Variants in ZNF385D observed in about 807,000 individuals in gnomAD.
ZNF385D encodes the protein zinc finger protein 659.
A neutral mutation model predicts 35.8 loss-of-function variants in ZNF385D; 15 were observed. That is an observed-to-expected ratio of 0.42 (90% CI 0.28 to 0.64). The LOEUF (loss-of-function observed/expected upper bound fraction) is 0.64. ZNF385D is among the 30% of genes least tolerant of loss of function. ZNF385D has a pLI of 0.23. For synonymous variants in ZNF385D, 212 were observed against 186.8 expected, an observed-to-expected ratio of 1.13 and a Z score of -1.10; for missense variants, 474 against 494.6, an observed-to-expected ratio of 0.96 and a Z score of 0.39.
intron 3 of ZNF385D, among the ~76,000 whole-genome samples, chr3:21,556,068 G>GTTTT (rs148079775): frequency 4.0e-5 from 4 of 99,014 alleles, no homozygotes; most frequent in Non-Finnish European, 7.8e-5. Flanking sequence ...TTTTGTTTTT[G>GTTTT]TTTTTTTTTT....
At chr3:21,916,667 C>A (rs2125919731) in intron 3 of ZNF385D, among the ~76,000 whole-genome samples, 1 of 152,284 alleles carries the variant, frequency 6.6e-6, no homozygotes, top group East Asian at 1.9e-4. Flanking sequence ...AGTAAACATT[C>A]TCTACAAAAG....
chr3:21,481,129 C>T (rs918945365), intron 4 of ZNF385D, among the ~76,000 whole-genome samples: 3 of 152,128 alleles, frequency 2.0e-5, no homozygotes, highest in African/African-American at 4.8e-5. Flanking sequence ...CTACAAGCAA[C>T]ATGATTAAGA....
chr3:21,687,785 G>A (rs762550334), intron 1 of ZNF385D, among the ~76,000 whole-genome samples: 9 of 152,220 alleles, frequency 5.9e-5, no homozygotes, highest in South Asian at 4.1e-4. Context: ...AGAAAAAACC[G>A]ATGATTCACC....
intron 3 of ZNF385D, among the ~76,000 whole-genome samples, chr3:22,059,485 T>C (rs1334897343): frequency 2.6e-5 from 4 of 152,182 alleles, no homozygotes; most frequent in South Asian, 2.1e-4. Flanking sequence ...CAAAATAAGA[T>C]AAGCGATGAG....
At chr3:21,828,231 C>T (rs1044708865) in intron 3 of ZNF385D, among the ~76,000 whole-genome samples, 18 of 152,146 alleles carry the variant, frequency 1.2e-4, no homozygotes, top group Middle Eastern at 3.4e-3. Flanking sequence ...TATGTTTATC[C>T]GTGTTGAGAA....
At position 22,156,469 on chromosome 3, in the gene ZNF385D, T is replaced by G. The variant is rs532715494; in HGVS notation, c.325+12348A>C. The stretch of plus-strand genomic sequence containing the variant: ...TTGATTCACAACCACCAGAGCTAGG[T>G]TTAGAGAGAGAGAGAACGCTACTTG... On this transcript the variant is annotated intron_variant, in intron 3 of 5. Coordinates refer to the ZNF385D transcript ENST00000494108. 4.6e-5 allele frequency among the ~76,000 whole-genome samples: 7 copies of G among 152,082 alleles called. No homozygotes were observed. The East Asian group carries it at 1.4e-3, about 30-fold the overall frequency.
At chr3:21,944,329 A>G (rs1024840897) in intron 3 of ZNF385D, among the ~76,000 whole-genome samples, 1 of 152,232 alleles carries the variant, frequency 6.6e-6, no homozygotes, top group Non-Finnish European at 1.5e-5. Flanking sequence ...TTAGGATCAC[A>G]CTGAGAACTG....
At position 22,173,047 on chromosome 3, in the gene ZNF385D, T is replaced by A. The variant is rs887201320; in HGVS notation, c.107-4012A>T. Among the ~76,000 whole-genome samples the A allele has an allele frequency of 3.9e-5, 6 of 152,350 alleles. No homozygotes were observed. In the South Asian group the frequency reaches 1.2e-3, roughly 32 times the overall value. On this transcript the variant is annotated intron_variant, in intron 2 of 5. Coordinates refer to the ZNF385D transcript ENST00000494108. ...ACATTGATAGCAAGAATCCTTAATA[T>A]GACGTGCTAACAATGGTATTTCACC...
At chr3:22,203,454 C>T (rs567475979) in intron 2 of ZNF385D, among the ~76,000 whole-genome samples, 6 of 152,240 alleles carry the variant, frequency 3.9e-5, no homozygotes, top group African/African-American at 1.4e-4. Flanking sequence ...GGAGAGATCC[C>T]TTCTTCTTGA....
At chr3:21,790,897 G>C (rs965141577) in intron 3 of ZNF385D, among the ~76,000 whole-genome samples, 3 of 152,006 alleles carry the variant, frequency 2.0e-5, no homozygotes, top group African/African-American at 4.8e-5. Context: ...TTGTCCTTTA[G>C]GACTATTTAT....
chr3:21,955,661 A>G (rs754271180), intron 3 of ZNF385D, among the ~76,000 whole-genome samples: 7 of 152,270 alleles, frequency 4.6e-5, no homozygotes, highest in Middle Eastern at 6.8e-3. Flanking sequence ...ACCCTGCTGC[A>G]TAGATTCAGC....
intron 2 of ZNF385D, among the ~76,000 whole-genome samples, chr3:21,612,874 A>C (rs777905089): frequency 1.3e-5 from 2 of 152,206 alleles, no homozygotes; most frequent in Non-Finnish European, 2.9e-5. Context: ...ATTAAAATAA[A>C]ACACCTTAAA....
chr3:21,655,344 A>G (rs1313201078), intron 2 of ZNF385D, among the ~76,000 whole-genome samples: 3 of 152,120 alleles, frequency 2.0e-5, no homozygotes, highest in African/African-American at 7.2e-5. Flanking sequence ...TTTAGATTCA[A>G]AGTTTAGTGT....
intron 3 of ZNF385D, among the ~76,000 whole-genome samples, chr3:21,984,282 G>T (rs1434296839): frequency 1.4e-5 from 2 of 146,026 alleles, no homozygotes; most frequent in East Asian, 3.9e-4. Context: ...TTTCTTCTAG[G>T]GTTTTTATGG....
intron 2 of ZNF385D, among the ~76,000 whole-genome samples, chr3:21,581,993 A>T (rs879433458): frequency 6.6e-6 from 1 of 152,150 alleles, no homozygotes; most frequent in African/African-American, 2.4e-5. Flanking sequence ...CAAAATACCA[A>T]TGTTCTGTCT....
intron 2 of ZNF385D, among the ~76,000 whole-genome samples, chr3:22,240,580 G>T (rs1229387493): frequency 6.6e-6 from 1 of 150,982 alleles, no homozygotes; most frequent in Non-Finnish European, 1.5e-5. Context: ...TTCATGGACT[G>T]CACAATGTGA....
chr3:22,002,947 GACTA>G (rs774449035), intron 3 of ZNF385D, among the ~76,000 whole-genome samples: 62 of 152,140 alleles, frequency 4.1e-4, no homozygotes, highest in Non-Finnish European at 6.9e-4. Flanking sequence ...GGTCATATAT[GACTA>G]ACTAACAGCT....
In ZNF385D at chr3:21,951,470, T is replaced by A. The variant is rs542175865; in HGVS notation, c.325+217347A>T. Among the ~76,000 whole-genome samples the A allele has an allele frequency of 2.9e-4, 44 of 151,834 alleles. No individual in the cohort carries two copies. The East Asian group carries it at 7.3e-3, about 25-fold the overall frequency. On this transcript the variant is annotated intron_variant, in intron 3 of 5. Transcript: ENST00000494108. ...GGCTGAGACGATCGGGTATTCTAAA[T>A]AAATATACAATCATGTCATCTGCAA... is the stretch of plus-strand genomic sequence containing the variant.
At chr3:21,924,637 G>C (rs1392401525) in intron 3 of ZNF385D, among the ~76,000 whole-genome samples, 1 of 152,172 alleles carries the variant, frequency 6.6e-6, no homozygotes, top group Non-Finnish European at 1.5e-5. Context: ...TAGTGTCAGA[G>C]AAAGCCAAAT....
Sources: gnomAD v4.1 joint callset for allele counts (sites outside exome capture counted in the v4.1 genomes callset) on GRCh38, gnomAD v4.1.1 for gene constraint, MANE v1.5 for transcripts, NCBI Gene and HGNC (gene_info 2026-07-23, HGNC 2026-07-21) for gene names.